LINGO2: variants seen among roughly 807,000 people sequenced by gnomAD.
The protein encoded by LINGO2 is leucine rich repeat and Ig domain containing 2, also known as leucine-rich repeat and immunoglobulin-like domain-containing nogo receptor-interacting protein 2.
LINGO2 carries 14 observed loss-of-function variants against 30.6 expected under a neutral mutation model. The observed-to-expected ratio is 0.46, with a 90% CI of 0.30 to 0.72. LINGO2 has a LOEUF of 0.72. LINGO2 is among the 30% of genes least tolerant of loss of function. The pLI is 0.07. For missense variants in LINGO2, 729 were observed against 751.7 expected (o/e 0.97, Z 0.35); for synonymous variants, 317 against 288.5 (o/e 1.10, Z -1.00).
chr9:28,877,183 T>G, the LINGO2 span, among the ~76,000 whole-genome samples: 8 of 151,916 alleles, frequency 5.3e-5, no homozygotes, highest in African/African-American at 1.7e-4. Flanking sequence ...TGCAAAAATT[T>G]TCTCCCATTT....
chr9:28,281,825 T>C (rs1178052257), intron 4 of LINGO2, among the ~76,000 whole-genome samples: 2 of 152,164 alleles, frequency 1.3e-5, no homozygotes, highest in Non-Finnish European at 2.9e-5. Flanking sequence ...GACTTGTTTC[T>C]AGACTAAAGC....
At chr9:28,562,264 T>C (rs1022319025) in intron 1 of LINGO2, among the ~76,000 whole-genome samples, 1 of 151,994 alleles carries the variant, frequency 6.6e-6, no homozygotes, top group Non-Finnish European at 1.5e-5. Context: ...ACGATGATTA[T>C]TAGAGATTAG....
At chr9:28,496,832 G>C (rs929347023) in intron 1 of LINGO2, among the ~76,000 whole-genome samples, 10 of 152,070 alleles carry the variant, frequency 6.6e-5, no homozygotes, top group Non-Finnish European at 1.5e-4. Context: ...CTTCCTTCAG[G>C]AGCTCTTGTA....
At position 28,314,712 on chromosome 9, in the gene LINGO2, C is replaced by T. The variant is rs528066981; in HGVS notation, c.-245-19346G>A. ...AAAGATAAATATATGAGGCCGGGCG[C>T]GGTGGCTCACGCCTGTAATCCCAGC... is the stretch of plus-strand genomic sequence containing the variant. On this transcript the variant is annotated intron_variant, in intron 3 of 5. Transcript: ENST00000379992. Among the ~76,000 whole-genome samples the T allele has an allele frequency of 1.4e-4, 22 of 152,138 alleles. 1 individual carries two copies. Among genetic ancestry groups the T allele is most frequent in the South Asian group, 4.1e-4 (2 of 4,820 alleles).
At chr9:28,521,334 G>T (rs922197110) in intron 1 of LINGO2, among the ~76,000 whole-genome samples, 1 of 152,150 alleles carries the variant, frequency 6.6e-6, no homozygotes, top group East Asian at 1.9e-4. Flanking sequence ...TGTAGTGAGG[G>T]TATGAGTACT....
At chr9:29,048,721 C>T in the LINGO2 span, among the ~76,000 whole-genome samples, 7 of 152,168 alleles carry the variant, frequency 4.6e-5, no homozygotes, top group Non-Finnish European at 7.4e-5. Context: ...GGAGAAAAGA[C>T]AATTTTTCAA....
At chr9:28,832,356 A>T in the LINGO2 span, among the ~76,000 whole-genome samples, 7 of 152,146 alleles carry the variant, frequency 4.6e-5, no homozygotes, top group South Asian at 1.5e-3. Flanking sequence ...CAAATACCTC[A>T]TACCACGTGT....
intron 1 of LINGO2, among the ~76,000 whole-genome samples, chr9:28,656,312 T>C (rs1311628638): frequency 6.6e-6 from 1 of 151,610 alleles, no homozygotes. Context: ...AAAGGAAAAA[T>C]ACAGGATTTT....
At chr9:28,674,837 C>T (rs984491769), upstream of LINGO2, among the ~76,000 whole-genome samples, 1 of 152,072 alleles carries the variant, frequency 6.6e-6, no homozygotes, top group Non-Finnish European at 1.5e-5. Flanking sequence ...GCTAATAACA[C>T]AGCATCACTA....
chr9:28,906,347 T>G, the LINGO2 span, among the ~76,000 whole-genome samples: 4 of 151,942 alleles, frequency 2.6e-5, no homozygotes, highest in Non-Finnish European at 5.9e-5. Flanking sequence ...TATGTGATAA[T>G]TAGCTCAATT....
chr9:28,177,056 A>C (rs1290278544), intron 4 of LINGO2, among the ~76,000 whole-genome samples: 1 of 152,186 alleles, frequency 6.6e-6, no homozygotes, highest in Non-Finnish European at 1.5e-5. Context: ...AATCCCTGAA[A>C]ATTTAGGGAG....
the LINGO2 span, among the ~76,000 whole-genome samples, chr9:29,203,327 T>A: frequency 1.3e-5 from 2 of 152,192 alleles, no homozygotes; most frequent in Non-Finnish European, 2.9e-5. Context: ...TGTTTAAGGT[T>A]ATGTTACACA....
At chr9:28,055,932 C>T (rs986234709) in intron 4 of LINGO2, among the ~76,000 whole-genome samples, 2 of 152,266 alleles carry the variant, frequency 1.3e-5, no homozygotes, top group Admixed American at 6.5e-5. Context: ...CTCACTAAGA[C>T]AGTTACTACT....
At chr9:28,723,889 G>T in the LINGO2 span, among the ~76,000 whole-genome samples, 1 of 151,814 alleles carries the variant, frequency 6.6e-6, no homozygotes, top group Non-Finnish European at 1.5e-5. Context: ...TAAGACAAAA[G>T]AATTAGCTTA....
At chr9:28,111,850 A>C (rs540762329) in intron 4 of LINGO2, among the ~76,000 whole-genome samples, 61 of 152,272 alleles carry the variant, frequency 4.0e-4, no homozygotes, top group Middle Eastern at 3.4e-3. Flanking sequence ...CACTCACTAT[A>C]TATGAAGGTG....
In LINGO2 at chr9:28,433,923, TTCTCTCTC is replaced by T. The variant is rs146254758; in HGVS notation, c.-279+42009_-279+42016del. On this transcript the variant is annotated intron_variant, in intron 2 of 5. Coordinates refer to ENST00000379992, the Ensembl canonical transcript of LINGO2. The stretch of plus-strand genomic sequence containing the variant: ...TGGATAAAGAAAATGTGCTCTCTCT[TTCTCTCTC>T]TCTCTCTCTCTCTCTCTCTATATAT... Among the ~76,000 whole-genome samples the T allele has an allele frequency of 1.0e-3, 113 of 110,016 alleles. 2 individuals carry two copies. The highest frequency in any genetic ancestry group is 6.7e-3 in the East Asian group (31 of 4,640). The allele number at this position is 110,016 out of a possible 152,430, so 72.2% of individuals were successfully genotyped here.
At chr9:29,054,336 T>C in the LINGO2 span, among the ~76,000 whole-genome samples, 1 of 152,220 alleles carries the variant, frequency 6.6e-6, no homozygotes, top group Admixed American at 6.5e-5. Context: ...TGGCTAACTG[T>C]TCTTTCAGAG....
chr9:28,357,433 T>C (rs1264631805), intron 3 of LINGO2, among the ~76,000 whole-genome samples: 2 of 151,836 alleles, frequency 1.3e-5, no homozygotes, highest in African/African-American at 4.8e-5. Context: ...GAATTAATTA[T>C]ATAAATCATG....
chr9:28,379,529 G>A (rs968013119), intron 2 of LINGO2, among the ~76,000 whole-genome samples: 5 of 151,966 alleles, frequency 3.3e-5, no homozygotes, highest in African/African-American at 1.2e-4. Flanking sequence ...GTACTCCCCT[G>A]CCCTCCTCCC....
Sources: allele counts gnomAD v4.1 joint callset (sites outside exome capture counted in the v4.1 genomes callset), GRCh38; gene constraint gnomAD v4.1.1; transcripts MANE v1.5; gene names NCBI Gene and HGNC (gene_info 2026-07-23, HGNC 2026-07-21).